The following PRR5L variants were observed in gnomAD, a reference collection of about 807,000 sequenced individuals.
PRR5L encodes the protein proline rich 5 like, also known as proline-rich protein 5-like.
In PRR5L, 21 loss-of-function variants were observed where a neutral mutation model predicts 36.4. That is an observed-to-expected ratio of 0.58 (90% CI 0.41 to 0.83). The LOEUF (loss-of-function observed/expected upper bound fraction) is 0.83. Among genes scored for constraint, PRR5L ranks in the 40% least tolerant of loss-of-function variants. The probability of loss-of-function intolerance (pLI) is 0.00; values close to 1 mark genes in which losing one functional copy is unlikely to be tolerated. For synonymous variants in PRR5L, 188 were observed against 197.0 expected (o/e 0.95, Z 0.38); for missense variants, 381 against 473.3 (o/e 0.80, Z 1.81).
At position 36,427,106 on chromosome 11, in the gene PRR5L, G is replaced by T. The variant is rs114635334; in HGVS notation, c.295-4747G>T. ...GTCCACTGAAGACTGGGTGGTTTTA[G>T]ACGCCTTTCCCCAAACATCTTGTTT... On this transcript the variant is annotated intron_variant, in intron 4 of 8. Coordinates refer to ENST00000530639, the MANE Select transcript of PRR5L (RefSeq NM_001160167.2). Among the ~76,000 whole-genome samples the T allele has an allele frequency of 5.9e-3, 902 of 152,296 alleles. 11 individuals are homozygous for T. Among genetic ancestry groups the T allele is most frequent in the African/African-American group, 0.021 (878 of 41,552 alleles).
At chr11:36,445,211 G>A (rs1042981765) in intron 6 of PRR5L, among the ~76,000 whole-genome samples, 1 of 152,096 alleles carries the variant, frequency 6.6e-6, no homozygotes, top group Admixed American at 6.5e-5. Context: ...TTAAACCTTG[G>A]TCAGCTTGGG....
At chr11:36,341,476 A>C (rs1327091441) in intron 1 of PRR5L, among the ~76,000 whole-genome samples, 1 of 152,184 alleles carries the variant, frequency 6.6e-6, no homozygotes, top group Admixed American at 6.5e-5. Flanking sequence ...TGATCATAGG[A>C]TTCCAGACCA....
chr11:36,375,260 C>T (rs1317833472), intron 1 of PRR5L, among the ~76,000 whole-genome samples: 1 of 151,750 alleles, frequency 6.6e-6, no homozygotes, highest in East Asian at 1.9e-4. Flanking sequence ...GATTTTGTTT[C>T]CCAGGCATGT....
At chr11:36,448,362 G>A (rs1858876121) in intron 7 of PRR5L, among the ~76,000 whole-genome samples, 1 of 152,024 alleles carries the variant, frequency 6.6e-6, no homozygotes, top group African/African-American at 2.4e-5. Flanking sequence ...CTGTACCCTG[G>A]CCTTCAGCAT....
At chr11:36,322,259 A>T (rs1333161204) in intron 1 of PRR5L, among the ~76,000 whole-genome samples, 1 of 152,228 alleles carries the variant, frequency 6.6e-6, no homozygotes, top group African/African-American at 2.4e-5. Flanking sequence ...TGTGTGCCTG[A>T]CAGTTTTTCC....
chr11:36,333,836 C>G (rs1354604203), intron 1 of PRR5L, among the ~76,000 whole-genome samples: 1 of 152,080 alleles, frequency 6.6e-6, no homozygotes, highest in Non-Finnish European at 1.5e-5. Flanking sequence ...CAGAACAAAT[C>G]AAATTGTACA....
At chr11:36,300,094 CT>C (rs143276329) in intron 1 of PRR5L, among the ~76,000 whole-genome samples, 39 of 149,122 alleles carry the variant, frequency 2.6e-4, no homozygotes, top group East Asian at 1.8e-3. Flanking sequence ...AGTGAAATAT[CT>C]TTTTTTTTTG....
At chr11:36,365,416 T>C (rs759391267) in intron 1 of PRR5L, among the ~76,000 whole-genome samples, 4 of 152,256 alleles carry the variant, frequency 2.6e-5, no homozygotes, top group Admixed American at 6.5e-5. Flanking sequence ...GGAATTCTTT[T>C]GTCTAGGACC....
Position 36,353,163 on chromosome 11 carries a change from C to A in PRR5L, c.-125-47834C>A, listed in dbSNP as rs547345787. Among the ~76,000 whole-genome samples, 3 of 152,272 alleles carry A rather than the reference C, an allele frequency of 2.0e-5. No homozygotes were observed. In the South Asian group the frequency reaches 6.2e-4, roughly 32 times the overall value. On this transcript the variant is annotated intron_variant, in intron 1 of 8. Transcript: ENST00000530639. ...TCTGTCTTGCACGTCATATGTTCGG[C>A]AGCATCCTTGCCACTAGATGCCACT...
At chr11:36,308,424 A>G (rs757627633) in intron 1 of PRR5L, among the ~76,000 whole-genome samples, 9 of 152,198 alleles carry the variant, frequency 5.9e-5, no homozygotes, top group Non-Finnish European at 8.8e-5. Flanking sequence ...TTGAAATGCC[A>G]TGGTCTCCAC....
At chr11:36,398,945 T>G (rs1857729998) in intron 1 of PRR5L, 1 of 152,268 alleles carries the variant, frequency 6.6e-6, no homozygotes, top group Non-Finnish European at 1.5e-5. Context: ...GGAGTTAATA[T>G]CCTGTAATTA....
chr11:36,413,717 TTTATTTTA>T (rs913742672), intron 3 of PRR5L, among the ~76,000 whole-genome samples: 4 of 151,164 alleles, frequency 2.6e-5, no homozygotes, highest in Admixed American at 6.6e-5. Context: ...TTTATTTTAT[TTTATTTTA>T]TTATTATTAT....
intron 1 of PRR5L, among the ~76,000 whole-genome samples, chr11:36,380,765 A>G (rs1226954285): frequency 2.0e-5 from 3 of 152,206 alleles, no homozygotes; most frequent in Non-Finnish European, 4.4e-5. Flanking sequence ...AGAGGTTTTT[A>G]TATATTCTTC....
chr11:36,359,698 G>A (rs143231632), intron 1 of PRR5L, among the ~76,000 whole-genome samples: 6 of 152,240 alleles, frequency 3.9e-5, no homozygotes, highest in East Asian at 1.9e-4. Flanking sequence ...AGACAGAGAC[G>A]GGATAAATCC....
chr11:36,447,572 G>C (rs1054980497), intron 7 of PRR5L, among the ~76,000 whole-genome samples: 1 of 152,164 alleles, frequency 6.6e-6, no homozygotes, highest in African/African-American at 2.4e-5. Flanking sequence ...CATTAGCTCT[G>C]AGCCCTTCCT....
intron 1 of PRR5L, among the ~76,000 whole-genome samples, chr11:36,388,671 C>A (rs1005497287): frequency 7.0e-6 from 1 of 142,936 alleles, no homozygotes; most frequent in Admixed American, 7.0e-5. Context: ...TTTAGCCTTT[C>A]TTTCATTCAA....
rs1333771719 is a variant in PRR5L at position 36,412,694 on chromosome 11, T to TACC, written c.246-6561_246-6560insACC. Among the ~76,000 whole-genome samples, 885 of 152,258 alleles carry TACC rather than the reference T, an allele frequency of 5.8e-3. 7 individuals are homozygous for TACC. Among genetic ancestry groups the TACC allele is most frequent in the African/African-American group, 0.02 (839 of 41,524 alleles). ...AAAGTAAGTCAGGCTACAGGGTGAA[T>TACC]TGTCCCATTGTGATTTTGGCCTAGG... is the stretch of plus-strand genomic sequence containing the variant. On this transcript the variant is annotated intron_variant, in intron 3 of 8. Coordinates refer to ENST00000530639, the MANE Select transcript of PRR5L (RefSeq NM_001160167.2).
At chr11:36,388,116 T>C (rs1321893637) in intron 1 of PRR5L, 3 of 152,256 alleles carry the variant, frequency 2.0e-5, no homozygotes, top group African/African-American at 7.2e-5. Flanking sequence ...GGCCCATTTA[T>C]GATGCATAGC....
chr11:36,355,575 A>C (rs1343733725), intron 1 of PRR5L, among the ~76,000 whole-genome samples: 1 of 141,136 alleles, frequency 7.1e-6, no homozygotes, highest in Non-Finnish European at 1.5e-5. Flanking sequence ...TTTGAGACAG[A>C]GTCTTGCTCT....
Sources: gnomAD v4.1 joint callset for allele counts (sites outside exome capture counted in the v4.1 genomes callset) on GRCh38, gnomAD v4.1.1 for gene constraint, MANE v1.5 for transcripts, NCBI Gene and HGNC (gene_info 2026-07-23, HGNC 2026-07-21) for gene names.